The following DHX16 variants were observed in gnomAD, a reference collection of about 807,000 sequenced individuals.
DHX16 encodes the protein DEAH-box helicase 16, also known as pre-mRNA-splicing factor ATP-dependent RNA helicase DHX16.
A neutral mutation model predicts 131.2 loss-of-function variants in DHX16; 81 were observed. The observed-to-expected ratio is 0.62, with a 90% CI of 0.52 to 0.74. The LOEUF (loss-of-function observed/expected upper bound fraction) is 0.74, where lower values mean the gene tolerates loss of function less well. Among genes scored for constraint, DHX16 ranks in the 30% least tolerant of loss-of-function variants. DHX16 has a pLI of 0.00. For synonymous variants in DHX16, 440 were observed against 520.2 expected (o/e 0.85, Z 2.10); for missense variants, 980 against 1,363.1 (o/e 0.72, Z 4.43).
intron 9 of DHX16, among the ~76,000 whole-genome samples, chr6:30,660,943 G>A (rs1227333006): frequency 6.6e-6 from 1 of 151,864 alleles, no homozygotes; most frequent in Non-Finnish European, 1.5e-5. Flanking sequence ...TCTGTTGCAG[G>A]CTGGAGTGTA....
chr6:30,653,552 C>A (rs1489326067), intron 19 of DHX16, among the ~76,000 whole-genome samples, 182 bp from the exon 20 acceptor site: 1 of 151,048 alleles, frequency 6.6e-6, no homozygotes, highest in Non-Finnish European at 1.5e-5. Context: ...AGACTACAGG[C>A]ACACATCACA....
At chr6:30,653,779 C>T (rs1444582766) in intron 19 of DHX16, among the ~76,000 whole-genome samples, 1 of 152,204 alleles carries the variant, frequency 6.6e-6, no homozygotes, top group Non-Finnish European at 1.5e-5. Flanking sequence ...AGGGCAGATA[C>T]ACCTCTGTAT....
At chr6:30,657,656 T>C (rs1488405921) in intron 12 of DHX16, among the ~76,000 whole-genome samples, 1 of 152,116 alleles carries the variant, frequency 6.6e-6, no homozygotes. Flanking sequence ...ACACACTGCT[T>C]TGCTCTGCCC....
chr6:30,665,467 G>C lies in DHX16; in HGVS notation c.921+12C>G. 1 of 1,609,346 alleles carries C rather than the reference G, an allele frequency of 6.2e-7. No individual in the cohort carries two copies. Among genetic ancestry groups the C allele is most frequent in the Non-Finnish European group, 8.5e-7 (1 of 1,177,306 alleles). ...GGGGACCAAGGCTGAAGCAGACGCC[G>C]CTTCACCTCACCTGTCCTCGGGTTT... On this transcript the variant is annotated intron_variant, in intron 5 of 19. Transcript: ENST00000376442. The surrounding 1 kb of genome is among the most constrained non-coding windows in gnomAD (Gnocchi z 4.8).
chr6:30,670,521 C>G lies in DHX16; in HGVS notation c.610-55G>C. The G allele has an allele frequency of 6.4e-7, 1 of 1,552,222 alleles. No homozygotes were observed. Among genetic ancestry groups the G allele is most frequent in the African/African-American group, 1.4e-5 (1 of 73,340 alleles). Reference sequence around the variant, plus strand: ...TGAGGCCAAAGAGCCCCCACACTGACAGCTGCTCCCCTCTAGAATCACAAG... The same window carrying G: ...TGAGGCCAAAGAGCCCCCACACTGAGAGCTGCTCCCCTCTAGAATCACAAG... On this transcript the variant is annotated intron_variant, in intron 3 of 19. Coordinates refer to ENST00000376442, the MANE Select transcript of DHX16 (RefSeq NM_003587.5). This position sits in a 1 kb window ranked among gnomAD's most constrained non-coding sequence, Gnocchi z 4.4.
intron 12 of DHX16, among the ~76,000 whole-genome samples, chr6:30,657,714 G>A (rs1768114266): frequency 6.6e-6 from 1 of 152,044 alleles, no homozygotes. Flanking sequence ...TATTCCCTCT[G>A]TCTGGCATAC....
At position 30,670,206 on chromosome 6, in the gene DHX16, C is replaced by G. The variant is rs1319267736; in HGVS notation, c.666+204G>C. On this transcript the variant is annotated intron_variant, in intron 4 of 19. Transcript: ENST00000376442. The surrounding 1 kb of genome is among the most constrained non-coding windows in gnomAD (Gnocchi z 4.4). ...GAGGACTTATGGGTAGCCTCCTTCC[C>G]CCTACAACTTAAGAAGGATCCTTCC... 6.6e-6 allele frequency among the ~76,000 whole-genome samples: 1 copy of G among 152,060 alleles called. No homozygotes were observed. Among genetic ancestry groups the G allele is most frequent in the Non-Finnish European group, 1.5e-5 (1 of 68,014 alleles).
rs774546044 is a variant in DHX16, at chr6:30,665,109, T to C, written c.1087A>G (p.Ile363Val). ...AGCTGAGTGGCCCGGACAAACTCAATGGTCTCCTCCTCCTCCAGCACCAGT... is the reference window on the plus strand; with the variant it reads ...AGCTGAGTGGCCCGGACAAACTCAACGGTCTCCTCCTCCTCCAGCACCAGT... Reference protein sequence around the residue: ...YQLVLEEEETIEFVRATQLQG... With the variant: ...YQLVLEEEETVEFVRATQLQG... The change falls in exon 6 of 20, where the codon ATT (isoleucine) becomes GTT (valine). Residue 363 changes from isoleucine to valine, a missense_variant. By Grantham distance (29) the Ile-to-Val change is conservative. Transcript: ENST00000376442. The surrounding 1 kb of genome is among the most constrained non-coding windows in gnomAD (Gnocchi z 4.8). 2.5e-6 allele frequency: 4 copies of C among 1,613,940 alleles called. No individual in the cohort carries two copies. Among genetic ancestry groups the C allele is most frequent in the Admixed American group, 1.7e-5 (1 of 59,992 alleles).
In DHX16 at chr6:30,659,643, G is replaced by C; in HGVS notation, c.1855-19C>G. On this transcript the variant is annotated intron_variant, in intron 11 of 19. Coordinates refer to ENST00000376442, the MANE Select transcript of DHX16 (RefSeq NM_003587.5). ...TCTCCTCCTGGATAGAGGGTAGGGA[G>C]AGCAGCAGGGGTCCCAGAGTCACAG... is the stretch of plus-strand genomic sequence containing the variant. The C allele has an allele frequency of 1.2e-6, 2 of 1,613,950 alleles. No homozygotes were observed. Among genetic ancestry groups the C allele is most frequent in the Non-Finnish European group, 1.7e-6 (2 of 1,179,898 alleles).
At position 30,665,935 on chromosome 6, in the gene DHX16, A is replaced by G. The variant is rs997360058; in HGVS notation, c.667-202T>C. On this transcript the variant is annotated intron_variant, in intron 4 of 19. Transcript: ENST00000376442. The surrounding 1 kb of genome is among the most constrained non-coding windows in gnomAD (Gnocchi z 4.8). ...TTTGGATGCTACATGCTGACCCCAC[A>G]TCGTATCTTCCTGCAGCAGAATCCA... is the stretch of plus-strand genomic sequence containing the variant. Among the ~76,000 whole-genome samples, 16 of 152,054 alleles carry G rather than the reference A, an allele frequency of 1.1e-4. No individual in the cohort carries two copies. Among genetic ancestry groups the G allele is most frequent in the African/African-American group, 3.9e-4 (16 of 41,400 alleles).
chr6:30,672,576 A>C, intron 1 of DHX16, 59 bp downstream of exon 1: 6 of 1,457,894 alleles, frequency 4.1e-6, no homozygotes, highest in South Asian at 1.2e-5. Context: ...TTCTCGATGG[A>C]CCGTTAGGCC....
chr6:30,657,238 G>T, intron 12 of DHX16, 146 bp from the exon 13 acceptor site: 1 of 796,912 alleles, frequency 1.3e-6, no homozygotes, highest in Non-Finnish European at 1.9e-6. Flanking sequence ...CAGGAGCAGG[G>T]GACAAGGCCA....
In DHX16 at chr6:30,672,679, G is replaced by C. The variant is rs947220212; in HGVS notation, c.163C>G (p.Leu55Val). 1.6e-5 allele frequency: 25 copies of C among 1,612,840 alleles called. No individual in the cohort carries two copies. Among genetic ancestry groups the C allele is most frequent in the Non-Finnish European group, 2.1e-5 (25 of 1,179,930 alleles). The change falls in exon 1 of 20, where the codon CTC (leucine) becomes GTC (valine). Residue 55 changes from leucine (L) to valine (V), a missense_variant. This residue lies in a region of DHX16 where 457 missense variants were observed against 554.8 expected (regional missense o/e 0.82). Transcript: ENST00000376442. ...GCGAAGTCCCGGGCCGGCCCACTGA[G>C]ATCCAAGGTATCAGTGTCTCGTAGG... ...QRLRDTDTLD[L>V]SGPARDFALR...
Position 30,659,501 on chromosome 6 carries a change from A to T in DHX16, c.1978T>A (p.Phe660Ile), listed in dbSNP as rs2127582443. The T allele has an allele frequency of 6.2e-7, 1 of 1,602,716 alleles. No homozygotes were observed. Among genetic ancestry groups the T allele is most frequent in the Middle Eastern group, 1.7e-4 (1 of 6,036 alleles). The change falls in exon 12 of 20, where the codon TTC (phenylalanine) becomes ATC (isoleucine). Residue 660 changes from phenylalanine to isoleucine, a missense_variant. Physicochemically the swap from Phe to Ile is conservative, Grantham distance 21. Around this residue, in one of 3 missense-constraint regions of DHX16, gnomAD observed 309 missense variants for 537.1 expected, o/e 0.58. Coordinates refer to ENST00000376442, the MANE Select transcript of DHX16 (RefSeq NM_003587.5). ...NLPSDMQARIFQPTPPGARKV... is the reference protein window; with the variant it reads ...NLPSDMQARIIQPTPPGARKV... The stretch of plus-strand genomic sequence containing the variant: ...CGTGCCCCAGGTGGTGTGGGCTGGA[A>T]GATACGGGCCTGCATGTCAGAGGGC...
chr6:30,659,914 A>G, intron 10 of DHX16, 80 bp from the exon 11 acceptor site: 1 of 1,554,644 alleles, frequency 6.4e-7, no homozygotes, highest in East Asian at 2.2e-5. Flanking sequence ...TTCAACATAC[A>G]CTTTATCCTA....
chr6:30,665,237 C>T lies in DHX16; in HGVS notation c.959G>A (p.Gly320Glu), dbSNP rs766444822. The T allele has an allele frequency of 1.2e-6, 2 of 1,604,784 alleles. No individual in the cohort carries two copies. Among genetic ancestry groups the T allele is most frequent in the Admixed American group, 1.7e-5 (1 of 59,892 alleles). Residue 320 changes from glycine to glutamate, a missense_variant, in exon 6 of 20, where the codon GGA becomes GAA. By Grantham distance (98) the Gly-to-Glu change is moderately conservative. Around this residue, in one of 3 missense-constraint regions of DHX16, gnomAD observed 457 missense variants for 554.8 expected, o/e 0.82. Transcript: ENST00000376442. The surrounding 1 kb of genome is among the most constrained non-coding windows in gnomAD (Gnocchi z 4.8). Reference protein sequence around the residue: ...RAVDLVEEESGAPGEEQRRWE... With the variant: ...RAVDLVEEESEAPGEEQRRWE... ...GCGCCGCTGCTCCTCCCCAGGGGCT[C>T]CTGATTCCTCCTCCACTAGATCCAC...
chr6:30,662,580 T>A lies in DHX16; in HGVS notation c.1544+47A>T. ...GATTAATCAGAAGACAATGGCTGAATTGGCTGGGTGGGAAGAAGGGAGAGA... is the reference window on the plus strand; with the variant it reads ...GATTAATCAGAAGACAATGGCTGAAATGGCTGGGTGGGAAGAAGGGAGAGA... On this transcript the variant is annotated intron_variant, in intron 9 of 19. Transcript: ENST00000376442. This position sits in a 1 kb window ranked among gnomAD's most constrained non-coding sequence, Gnocchi z 4.7. 6.6e-7 allele frequency: 1 copy of A among 1,505,870 alleles called. No homozygotes were observed. Among genetic ancestry groups the A allele is most frequent in the Non-Finnish European group, 9.2e-7 (1 of 1,084,308 alleles). 93.3% of individuals were successfully genotyped at this position (1,505,870 alleles called of 1,614,324 possible).
intron 19 of DHX16, among the ~76,000 whole-genome samples, chr6:30,654,422 C>T (rs1482633871): frequency 5.3e-5 from 8 of 152,080 alleles, no homozygotes; most frequent in Admixed American, 5.2e-4. Flanking sequence ...TGGAGGCTTG[C>T]GCCTGTAATC....
At chr6:30,672,578 C>T (rs951741316) in intron 1 of DHX16, 57 bp downstream of exon 1, 158 of 1,479,476 alleles carry the variant, frequency 1.1e-4, no homozygotes, top group Non-Finnish European at 1.4e-4. Flanking sequence ...CTCGATGGAC[C>T]GTTAGGCCAG....
Sources: allele counts gnomAD v4.1 joint callset (sites outside exome capture counted in the v4.1 genomes callset), GRCh38; gene constraint gnomAD v4.1.1; regional missense constraint gnomAD v4.1.1; non-coding constraint Gnocchi (gnomAD v3.1); transcripts MANE v1.5; gene names NCBI Gene and HGNC (gene_info 2026-07-23, HGNC 2026-07-21).